Variants in AP2A2 observed in about 807,000 individuals in gnomAD.
AP2A2 encodes adaptor related protein complex 2 subunit alpha 2.
Under a neutral mutation model 104.2 loss-of-function variants are expected in AP2A2, and 32 were observed. That is an observed-to-expected ratio of 0.31 (90% CI 0.23 to 0.41). The LOEUF is 0.41. AP2A2 is among the 10% of genes least tolerant of loss of function. The pLI, the probability that AP2A2 is intolerant of heterozygous loss-of-function variation, is 1.00. For missense variants in AP2A2, 912 were observed against 1,261.0 expected, an observed-to-expected ratio of 0.72 and a Z score of 4.19; for synonymous variants, 539 against 533.3, an observed-to-expected ratio of 1.01 and a Z score of -0.15.
intron 1 of AP2A2, among the ~76,000 whole-genome samples, chr11:953,016 C>T (rs1479217415): frequency 7.2e-5 from 11 of 152,138 alleles, no homozygotes; most frequent in Non-Finnish European, 1.5e-4. Context: ...TACCTGCGTC[C>T]GTCATGACTG....
chr11:926,803 A>T (rs1853135391), intron 1 of AP2A2, among the ~76,000 whole-genome samples: 1 of 152,148 alleles, frequency 6.6e-6, no homozygotes, highest in African/African-American at 2.4e-5. Flanking sequence ...CCTCGTTCTC[A>T]GCCCCGTGCC....
intron 21 of AP2A2, 115 bp from the exon 22 acceptor site, chr11:1,010,433 G>A (rs1856387757): frequency 1.3e-6 from 1 of 756,144 alleles, no homozygotes; most frequent in Non-Finnish European, 2.2e-6. Flanking sequence ...AGTTGTGGGT[G>A]CCTCCAGAGA....
chr11:935,603 G>GTTTTGTTTTTTTT (rs1853428747), intron 1 of AP2A2, among the ~76,000 whole-genome samples: 1 of 77,988 alleles, frequency 1.3e-5, no homozygotes, highest in Admixed American at 1.5e-4. Context: ...TGCCCGGCCA[G>GTTTTGTTTTTTTT]TTTTTTTTTT....
chr11:958,595 C>G (rs993188189), intron 1 of AP2A2, among the ~76,000 whole-genome samples: 1 of 152,102 alleles, frequency 6.6e-6, no homozygotes, highest in African/African-American at 2.4e-5. Context: ...CTGAATAGAT[C>G]AGTCTTTCCT....
intron 16 of AP2A2, among the ~76,000 whole-genome samples, chr11:1,005,376 C>T (rs1316042898): frequency 1.3e-5 from 2 of 152,182 alleles, no homozygotes; most frequent in Non-Finnish European, 2.9e-5. Context: ...GACAGAGTTC[C>T]GTTTGGGAAG....
intron 1 of AP2A2, chr11:943,354 G>A (rs1853720254): frequency 1.3e-5 from 2 of 152,764 alleles, no homozygotes. Flanking sequence ...AATTAGAACG[G>A]AACAGGATGG....
intron 14 of AP2A2, among the ~76,000 whole-genome samples, chr11:998,026 G>A (rs1855910522): frequency 6.6e-6 from 1 of 152,282 alleles, no homozygotes; most frequent in Admixed American, 6.5e-5. Flanking sequence ...CAGGTGCATG[G>A]CCATGGCCAA....
chr11:995,868 C>T (rs1485891245), intron 14 of AP2A2, among the ~76,000 whole-genome samples: 1 of 148,066 alleles, frequency 6.8e-6, no homozygotes, highest in African/African-American at 2.5e-5. Context: ...CCTGTGAGCT[C>T]ATCCTGGAGT....
chr11:999,345 C>T (rs1403246589), intron 14 of AP2A2, among the ~76,000 whole-genome samples: 3 of 152,110 alleles, frequency 2.0e-5, no homozygotes, highest in Non-Finnish European at 1.5e-5. Context: ...AACCCTGTCT[C>T]CACTGAAAAT....
intron 14 of AP2A2, among the ~76,000 whole-genome samples, chr11:994,499 C>T (rs1855778151): frequency 6.7e-6 from 1 of 149,836 alleles, no homozygotes; most frequent in Non-Finnish European, 1.5e-5. Context: ...CTGCTGGACG[C>T]CCCGCTGTCT....
rs112511283 is a variant in AP2A2 at position 993,684 on chromosome 11, C to G, written c.1551-70C>G. ...GCCAGGGGGTCTCGCCGCCGTCCCC[C>G]CCCCGCGGGGGCGTGCTGCAGCCTG... On this transcript the variant is annotated intron_variant, in intron 12 of 21. Transcript: ENST00000448903. The surrounding 1 kb of genome is among the most constrained non-coding windows in gnomAD (Gnocchi z 8.2). The G allele has an allele frequency of 8.8e-6, 11 of 1,250,536 alleles. No individual in the cohort carries two copies. In the East Asian group the frequency reaches 2.6e-4, roughly 29 times the overall value. 77.5% of individuals were successfully genotyped at this position (1,250,536 alleles called of 1,614,324 possible).
chr11:1,003,592 CT>C (rs1856099358), intron 15 of AP2A2, 129 bp from the exon 16 acceptor site: 1 of 561,782 alleles, frequency 1.8e-6, no homozygotes, highest in Non-Finnish European at 3.1e-6. Flanking sequence ...ATAGTTTCCA[CT>C]TTTTTCTTCC....
At chr11:951,980 C>T (rs950410288) in intron 1 of AP2A2, among the ~76,000 whole-genome samples, 1 of 152,006 alleles carries the variant, frequency 6.6e-6, no homozygotes, top group South Asian at 2.1e-4. Context: ...TGATTCCCCC[C>T]ACCTCAGCCT....
At chr11:936,679 C>T (rs1164699773) in intron 1 of AP2A2, among the ~76,000 whole-genome samples, 1 of 152,112 alleles carries the variant, frequency 6.6e-6, no homozygotes, top group African/African-American at 2.4e-5. Flanking sequence ...TGAGCCACCA[C>T]GCCTGGCCTG....
rs200859967 is a variant in AP2A2, at chr11:1,000,448, C to T, written c.1973C>T (p.Ser658Leu). The T allele has an allele frequency of 3.4e-4, 524 of 1,543,604 alleles. No individual in the cohort carries two copies. Among genetic ancestry groups the T allele is most frequent in the Non-Finnish European group, 4.3e-4 (489 of 1,147,526 alleles). The change falls in exon 15 of 22, where the codon TCG (serine) becomes TTG (leucine). Residue 658 changes from serine to leucine, a missense_variant. Ser to Leu is a moderately radical substitution (Grantham distance 145). Transcript: ENST00000448903. ...STSAVSTPSP[S>L]ADLLGLGAAP... Reference sequence around the variant, plus strand: ...CTCTTCCAGTCTACGCCTTCTCCGTCGGCAGACCTGCTGGGTCTCGGGGCT... The same window carrying T: ...CTCTTCCAGTCTACGCCTTCTCCGTTGGCAGACCTGCTGGGTCTCGGGGCT...
chr11:1,000,098 G>T (rs1453438315), intron 14 of AP2A2, among the ~76,000 whole-genome samples: 1 of 152,270 alleles, frequency 6.6e-6, no homozygotes, highest in East Asian at 1.9e-4. Flanking sequence ...GAGCCACCGC[G>T]TCTGGCCTTT....
intron 7 of AP2A2, among the ~76,000 whole-genome samples, chr11:984,996 C>T: frequency 6.6e-6 from 1 of 152,150 alleles, no homozygotes; most frequent in East Asian, 1.9e-4. Context: ...TGCAGGTTTT[C>T]TTTTTGAGAT....
At chr11:947,233 A>T (rs1157950353) in intron 1 of AP2A2, among the ~76,000 whole-genome samples, 1 of 151,312 alleles carries the variant, frequency 6.6e-6, no homozygotes, top group East Asian at 1.9e-4. Flanking sequence ...CTGGTCTCGA[A>T]CTCCTGACCT....
chr11:929,637 GA>G (rs1412742912), intron 1 of AP2A2, among the ~76,000 whole-genome samples: 1 of 152,138 alleles, frequency 6.6e-6, no homozygotes, highest in Non-Finnish European at 1.5e-5. Flanking sequence ...TTTCAAAAGA[GA>G]AAAAAGAATT....
Sources: allele counts gnomAD v4.1 joint callset (sites outside exome capture counted in the v4.1 genomes callset), GRCh38; gene constraint gnomAD v4.1.1; non-coding constraint Gnocchi (gnomAD v3.1); transcripts MANE v1.5; gene names NCBI Gene and HGNC (gene_info 2026-07-23, HGNC 2026-07-21).